Variants in HNRNPM observed in about 807,000 individuals in gnomAD.
The protein encoded by HNRNPM is heterogeneous nuclear ribonucleoprotein M, also known as CEA receptor.
Under a neutral mutation model 73.1 loss-of-function variants are expected in HNRNPM, and 11 were observed. That is an observed-to-expected ratio of 0.15 (90% CI 0.09 to 0.25). The LOEUF (loss-of-function observed/expected upper bound fraction) is 0.25. Ranked by LOEUF, HNRNPM falls within the 10% of genes least tolerant of loss-of-function variation. HNRNPM has a pLI of 1.00. For missense variants in HNRNPM, 789 were observed against 1,067.9 expected (o/e 0.74, Z 3.64); for synonymous variants, 407 against 355.2 (o/e 1.15, Z -1.64).
chr19:8,488,660 AGT>A (rs752342070), intron 15 of HNRNPM, 29 bp from the exon 16 acceptor site: 8 of 1,592,062 alleles, frequency 5.0e-6, no homozygotes, highest in African/African-American at 1.3e-5. Context: ...ATCGGGACTG[AGT>A]GTCGTCTCTT....
intron 1 of HNRNPM, 104 bp downstream of exon 1, chr19:8,445,215 T>C (rs1968048605): frequency 1.9e-6 from 2 of 1,058,608 alleles, no homozygotes; most frequent in South Asian, 2.4e-5. Context: ...CGGCGCGGCC[T>C]CGGCCCCGGC....
At chr19:8,456,579 G>C (rs1969043849) in intron 2 of HNRNPM, among the ~76,000 whole-genome samples, 1 of 152,180 alleles carries the variant, frequency 6.6e-6, no homozygotes, top group Admixed American at 6.5e-5. Flanking sequence ...AGCTTGATTT[G>C]TCAAATGATT....
At chr19:8,475,798 T>C (rs1046273622) in intron 12 of HNRNPM, among the ~76,000 whole-genome samples, 8 of 152,136 alleles carry the variant, frequency 5.3e-5, no homozygotes, top group Non-Finnish European at 8.8e-5. Flanking sequence ...CTGGGTGTGC[T>C]GGCTCACGCC....
intron 11 of HNRNPM, among the ~76,000 whole-genome samples, 158 bp from the exon 12 acceptor site, chr19:8,474,009 C>T (rs908964466): frequency 6.6e-6 from 1 of 151,978 alleles, no homozygotes; most frequent in African/African-American, 2.4e-5. Flanking sequence ...GATTTTTAAA[C>T]AAGGGTGCTA....
chr19:8,468,745 G>T, intron 8 of HNRNPM, 29 bp from the exon 9 acceptor site: 1 of 1,590,882 alleles, frequency 6.3e-7, no homozygotes. Flanking sequence ...ACTGGATACT[G>T]AGATTTGTTT....
At chr19:8,458,139 G>GC (rs1029856485) in intron 2 of HNRNPM, among the ~76,000 whole-genome samples, 15 of 152,236 alleles carry the variant, frequency 9.9e-5, no homozygotes, top group Admixed American at 6.5e-4. Flanking sequence ...GGATACTCCG[G>GC]GGGGAGATTG....
At position 8,455,304 on chromosome 19, in the gene HNRNPM, A is replaced by G. The variant is rs891165858; in HGVS notation, c.114-101A>G. 10 of 1,018,256 alleles carry G rather than the reference A, an allele frequency of 9.8e-6. No individual in the cohort carries two copies. In the African/African-American group the frequency reaches 1.3e-4, roughly 13 times the overall value. The allele number at this position is 1,018,256 out of a possible 1,614,324, so 63.1% of individuals were successfully genotyped here. A position where few individuals can be genotyped will look rare whatever the true frequency, so the allele number is the denominator to read the frequency against. ...CCAATACTAGTCTTGTGTCATATGT[A>G]ACTTTGTGTGGAATTGTAAACCTGG... On this transcript the variant is annotated intron_variant, in intron 1 of 15. Coordinates refer to ENST00000325495, the MANE Select transcript of HNRNPM (RefSeq NM_005968.5).
At chr19:8,482,807 G>A (rs539525478) in intron 12 of HNRNPM, 1 of 191,532 alleles carries the variant, frequency 5.2e-6, no homozygotes, top group South Asian at 9.6e-5. Flanking sequence ...TGAGAGCCTG[G>A]ACCAGCTTTA....
At chr19:8,471,180 A>G in intron 9 of HNRNPM, 146 bp from the exon 10 acceptor site, 2 of 462,474 alleles carry the variant, frequency 4.3e-6, no homozygotes, top group South Asian at 7.7e-5. Flanking sequence ...GCCGATGTTG[A>G]ATTTTGCATT....
Position 8,489,005 on chromosome 19 carries a change from T to C in HNRNPM, c.*151T>C. The stretch of plus-strand genomic sequence containing the variant: ...TGAATTACTTTTTTAATGACTGGGG[T>C]TCCATTTGACTGTTTGCATTGAGAT... On this transcript the variant is annotated 3_prime_UTR_variant, in exon 16 of 16. Transcript: ENST00000325495. 1.4e-6 allele frequency: 1 copy of C among 709,256 alleles called. No individual in the cohort carries two copies. The highest frequency in any genetic ancestry group is 2.3e-6 in the Non-Finnish European group (1 of 441,814). 43.9% of individuals were successfully genotyped at this position (709,256 alleles called of 1,614,324 possible). A position where few individuals can be genotyped will look rare whatever the true frequency, so the allele number is the denominator to read the frequency against.
Position 8,462,417 on chromosome 19 carries a change from T to A in HNRNPM, c.284-112T>A, listed in dbSNP as rs1969467948. 3 of 899,088 alleles carry A rather than the reference T, an allele frequency of 3.3e-6. No homozygotes were observed. The Admixed American group carries it at 5.4e-5, about 16-fold the overall frequency. The allele number at this position is 899,088 out of a possible 1,614,324, so 55.7% of individuals were successfully genotyped here. On this transcript the variant is annotated intron_variant, in intron 2 of 15. Transcript: ENST00000325495. The surrounding 1 kb of genome is among the most constrained non-coding windows in gnomAD (Gnocchi z 4.5). ...TAGAGAATATGGAGTGTTTCTGGGC[T>A]TTCTTATAAGGCAGAGGCTCCATAC...
In HNRNPM at chr19:8,445,039, C is replaced by A; in HGVS notation, c.41C>A (p.Thr14Lys). The A allele has an allele frequency of 2.1e-6, 3 of 1,427,764 alleles. No individual in the cohort carries two copies. The highest frequency in any genetic ancestry group is 1.6e-5 in the South Asian group (1 of 62,902). The allele number at this position is 1,427,764 out of a possible 1,614,324, so 88.4% of individuals were successfully genotyped here. ...GAAGCGGCGGCGGAGGTGGCGGCGA[C>A]GGAGATCAAAATGGAGGAAGAGAGC... ...GVEAAAEVAA[T>K]EIKMEEESGA... The change falls in exon 1 of 16, where the codon ACG (threonine) becomes AAG (lysine). Residue 14 changes from threonine (T) to lysine (K), a missense_variant. Physicochemically the swap from Thr to Lys is moderately conservative, Grantham distance 78. Coordinates refer to ENST00000325495, the MANE Select transcript of HNRNPM (RefSeq NM_005968.5).
chr19:8,445,811 T>G (rs1471252494), intron 1 of HNRNPM, among the ~76,000 whole-genome samples: 1 of 152,246 alleles, frequency 6.6e-6, no homozygotes, highest in Non-Finnish European at 1.5e-5. Flanking sequence ...TGGGATCTGC[T>G]GCTTAGCGTT....
intron 2 of HNRNPM, among the ~76,000 whole-genome samples, chr19:8,457,874 CACTTACAACCCTAAAAGTATTAG>C (rs1969129612): frequency 6.6e-6 from 1 of 152,200 alleles, no homozygotes; most frequent in African/African-American, 2.4e-5. Flanking sequence ...CAGATAGAGG[CACTTACAACCCTAAAAGTATTAG>C]TCTCAATTCC....
intron 2 of HNRNPM, among the ~76,000 whole-genome samples, chr19:8,459,970 A>C (rs567512292): frequency 6.0e-4 from 91 of 152,212 alleles, no homozygotes; most frequent in African/African-American, 2.1e-3. Flanking sequence ...TTAGCAGCCT[A>C]CTCTTGGGAT....
rs375264071 is a variant in HNRNPM, at chr19:8,455,480, A to G, written c.189A>G (p.Pro63=). ...NIKRGGNRFE[P]YANPTKRYRA... ...AAAGAGGAGGCAATCGCTTTGAGCCATATGCCAATCCAACTAAAAGATACA... is the reference window on the plus strand; with the variant it reads ...AAAGAGGAGGCAATCGCTTTGAGCCGTATGCCAATCCAACTAAAAGATACA... Residue 63 remains proline (P), a synonymous_variant, in exon 2 of 16, where the codon CCA becomes CCG. Transcript: ENST00000325495. 4.3e-5 allele frequency: 69 copies of G among 1,613,692 alleles called. No homozygotes were observed. The highest frequency in any genetic ancestry group is 5.5e-5 in the Non-Finnish European group (65 of 1,179,668).
chr19:8,454,080 AT>A (rs142117198), intron 1 of HNRNPM, among the ~76,000 whole-genome samples: 6,098 of 152,024 alleles, frequency 0.04, 269 homozygotes, highest in African/African-American at 0.11. Context: ...ACCTTTCTGG[AT>A]TTTTAAAAAG....
At chr19:8,451,262 T>G (rs1358895409) in intron 1 of HNRNPM, among the ~76,000 whole-genome samples, 1 of 151,696 alleles carries the variant, frequency 6.6e-6, no homozygotes, top group Non-Finnish European at 1.5e-5. Context: ...AGGCTGGTCT[T>G]GAACTCCTGA....
chr19:8,473,563 C>T, intron 10 of HNRNPM, 101 bp from the exon 11 acceptor site: 2 of 735,858 alleles, frequency 2.7e-6, no homozygotes, highest in Non-Finnish European at 4.7e-6. Flanking sequence ...CAGGGATTTT[C>T]TTTTGAGTTC....
Sources: gnomAD v4.1 joint callset for allele counts (sites outside exome capture counted in the v4.1 genomes callset) on GRCh38, gnomAD v4.1.1 for gene constraint, Gnocchi (gnomAD v3.1) non-coding constraint, MANE v1.5 for transcripts, NCBI Gene and HGNC (gene_info 2026-07-23, HGNC 2026-07-21) for gene names.